MYO15A: variants seen among roughly 807,000 people sequenced by gnomAD.
MYO15A encodes myosin XVA.
In MYO15A, 308 loss-of-function variants were observed where a neutral mutation model predicts 394.6. That is an observed-to-expected ratio of 0.78 (90% CI 0.71 to 0.86). The LOEUF (loss-of-function observed/expected upper bound fraction) is 0.86, where lower values mean the gene tolerates loss of function less well. Ranked by LOEUF, MYO15A falls within the 40% of genes least tolerant of loss-of-function variation. MYO15A has a pLI of 0.00. For missense variants in MYO15A, 4,606 were observed against 4,799.1 expected (o/e 0.96, Z 1.19); for synonymous variants, 1,957 against 2,003.8 (o/e 0.98, Z 0.62).
At position 18,132,670 on chromosome 17, in the gene MYO15A, T is replaced by C. The variant is rs2046189992; in HGVS notation, c.4320+104T>C. 2.2e-6 allele frequency: 2 copies of C among 918,460 alleles called. No homozygotes were observed. The highest frequency in any genetic ancestry group is 2.5e-5 in the East Asian group (1 of 39,840). The allele number at this position is 918,460 out of a possible 1,614,324, so 56.9% of individuals were successfully genotyped here. A position where few individuals can be genotyped will look rare whatever the true frequency, so the allele number is the denominator to read the frequency against. Reference sequence around the variant, plus strand: ...AGTTGTGAGTGATGGAGTGTGAAGGTGAAGGAGATTTGGGGAGGGTGAGTT... The same window carrying C: ...AGTTGTGAGTGATGGAGTGTGAAGGCGAAGGAGATTTGGGGAGGGTGAGTT... On this transcript the variant is annotated intron_variant, in intron 11 of 65. Coordinates refer to ENST00000647165, the MANE Select transcript of MYO15A (RefSeq NM_016239.4). The surrounding 1 kb of genome is among the most constrained non-coding windows in gnomAD (Gnocchi z 4.6).
intron 3 of MYO15A, chr17:18,124,889 C>T (rs1281750742): frequency 1.7e-6 from 1 of 587,814 alleles, no homozygotes; most frequent in Non-Finnish European, 3.0e-6. Context: ...ACATGAGGGC[C>T]GTGTTGGTCA....
rs764696831 is a variant in MYO15A, at chr17:18,179,231, G to A, written c.*361G>A. On this transcript the variant is annotated 3_prime_UTR_variant, in exon 66 of 66. Coordinates refer to ENST00000647165, the MANE Select transcript of MYO15A (RefSeq NM_016239.4). Reference sequence around the variant, plus strand: ...CCCACACCAGTTGCCCAGATGAACTGGCCTCTGCCTTTGGTTTACTCAGGG... The same window carrying A: ...CCCACACCAGTTGCCCAGATGAACTAGCCTCTGCCTTTGGTTTACTCAGGG... 1.5e-5 allele frequency: 6 copies of A among 389,324 alleles called. No individual in the cohort carries two copies. Among genetic ancestry groups the A allele is most frequent in the Non-Finnish European group, 2.9e-5 (6 of 204,710 alleles). The allele number at this position is 389,324 out of a possible 1,614,324, so 24.1% of individuals were successfully genotyped here.
rs2046368908 is a variant in MYO15A at position 18,141,013 on chromosome 17, C to G, written c.5407-6C>G. On this transcript the variant is annotated splice_region_variant and splice_polypyrimidine_tract_variant and intron_variant, in intron 21 of 65. Transcript: ENST00000647165. Reference sequence around the variant, plus strand: ...GTGCAGACTCCCTCTCTGGGCATCCCTACAGGAGCCAGGTCTCTTTGAGCC... The same window carrying G: ...GTGCAGACTCCCTCTCTGGGCATCCGTACAGGAGCCAGGTCTCTTTGAGCC... The G allele has an allele frequency of 6.2e-7, 1 of 1,613,708 alleles. No homozygotes were observed. Among genetic ancestry groups the G allele is most frequent in the African/African-American group, 1.3e-5 (1 of 74,940 alleles).
Position 18,163,970 on chromosome 17 carries a change from G to A in MYO15A, c.9787+132G>A, listed in dbSNP as rs2046812848. On this transcript the variant is annotated intron_variant, in intron 60 of 65. Transcript: ENST00000647165. ...CTCCAGGAAGCCCCTTGACCCCCAT[G>A]TGGAAGGATCTCTGTGTGTACCAAG... The A allele has an allele frequency of 3.5e-6, 3 of 865,170 alleles. No homozygotes were observed. In the Admixed American group the frequency reaches 6.0e-5, roughly 17 times the overall value. 53.6% of individuals were successfully genotyped at this position (865,170 alleles called of 1,614,324 possible).
chr17:18,151,358 G>A (rs1455584437), intron 39 of MYO15A, 37 bp from the exon 40 acceptor site: 1 of 1,614,166 alleles, frequency 6.2e-7, no homozygotes, highest in Admixed American at 1.7e-5. Context: ...TGCCCCTTGT[G>A]GCCTCACCCT....
Position 18,126,790 on chromosome 17 carries a change from G to A in MYO15A, c.3867-1G>A, listed in dbSNP as rs993809972. The stretch of plus-strand genomic sequence containing the variant: ...CCAGCTCTAATGACCTGTCTCCCCA[G>A]GCACCTCTTTGCTGTTGCAAATCTC... On this transcript the variant is annotated splice_acceptor_variant, in intron 5 of 65. Transcript: ENST00000647165. LOFTEE classifies it high-confidence loss of function. The A allele has an allele frequency of 1.2e-6, 2 of 1,614,132 alleles. No individual in the cohort carries two copies. The highest frequency in any genetic ancestry group is 1.7e-6 in the Non-Finnish European group (2 of 1,180,024).
chr17:18,178,602 C>T (rs2047047829), intron 65 of MYO15A, 167 bp from the exon 66 acceptor site: 1 of 732,018 alleles, frequency 1.4e-6, no homozygotes, highest in South Asian at 1.5e-5. Context: ...TTCGGCCTTC[C>T]AGCTCTTCAT....
chr17:18,121,638 T>C lies in MYO15A; in HGVS notation c.2838T>C (p.Gly946=). The change falls in exon 2 of 66, where the codon GGT becomes GGC. Residue 946 remains glycine, a synonymous_variant. Transcript: ENST00000647165. This position sits in a 1 kb window ranked among gnomAD's most constrained non-coding sequence, Gnocchi z 5.3. ...TQRPPSPWPG[G]AGSRRGFSRP... is the part of the protein sequence containing the mutation. ...GCCCACCCTCCCCCTGGCCAGGAGG[T>C]GCAGGCAGCCGCCGAGGCTTTTCCA... 4 of 1,253,830 alleles carry C rather than the reference T, an allele frequency of 3.2e-6. No homozygotes were observed. The highest frequency in any genetic ancestry group is 4.2e-6 in the Non-Finnish European group (4 of 962,550). 77.7% of individuals were successfully genotyped at this position (1,253,830 alleles called of 1,614,324 possible).
intron 4 of MYO15A, 28 bp from the exon 5 acceptor site, chr17:18,126,319 G>A (rs751853637): frequency 1.4e-5 from 22 of 1,599,488 alleles, no homozygotes; most frequent in Admixed American, 3.3e-5. Flanking sequence ...AAGGAGCCAC[G>A]ACGCTGAGGC....
chr17:18,156,607 G>A (rs933751683), intron 48 of MYO15A, among the ~76,000 whole-genome samples: 5 of 152,138 alleles, frequency 3.3e-5, no homozygotes, highest in Admixed American at 1.3e-4. Context: ...TGCATGGCCC[G>A]CCCACTGCAT....
At position 18,178,999 on chromosome 17, in the gene MYO15A, A is replaced by C. The variant is rs989948880; in HGVS notation, c.*129A>C. The C allele has an allele frequency of 2.0e-5, 18 of 908,414 alleles. No individual in the cohort carries two copies. In the African/African-American group the frequency reaches 2.6e-4, roughly 13 times the overall value. 56.3% of individuals were successfully genotyped at this position (908,414 alleles called of 1,614,324 possible). A position where few individuals can be genotyped will look rare whatever the true frequency, so the allele number is the denominator to read the frequency against. On this transcript the variant is annotated 3_prime_UTR_variant, in exon 66 of 66. Transcript: ENST00000647165. Reference sequence around the variant, plus strand: ...GCCTTGGAGGACACTAAGAGGAGGCAGGAGGAGCAACTCAAATCCCCAAGA... The same window carrying C: ...GCCTTGGAGGACACTAAGAGGAGGCCGGAGGAGCAACTCAAATCCCCAAGA...
chr17:18,144,725 C>T (rs2046445894), intron 29 of MYO15A, 133 bp downstream of exon 29: 3 of 770,396 alleles, frequency 3.9e-6, no homozygotes, highest in African/African-American at 3.6e-5. Context: ...AAAGGACAGA[C>T]TTTTATGTCA....
At chr17:18,175,646 CCTGT>C (rs748008727) in intron 65 of MYO15A, among the ~76,000 whole-genome samples, 1 of 152,088 alleles carries the variant, frequency 6.6e-6, no homozygotes, top group Non-Finnish European at 1.5e-5. Context: ...CCCAGGGCAC[CCTGT>C]CTGATACTGA....
intron 22 of MYO15A, 44 bp from the exon 23 acceptor site, chr17:18,141,609 G>C: frequency 1.3e-6 from 2 of 1,572,742 alleles, no homozygotes; most frequent in Non-Finnish European, 8.7e-7. Context: ...CAGACACCTC[G>C]GGTAGGTCTC....
chr17:18,130,412 T>G (rs2046133329), intron 7 of MYO15A, among the ~76,000 whole-genome samples: 3 of 147,312 alleles, frequency 2.0e-5, no homozygotes, highest in South Asian at 2.2e-4. Flanking sequence ...AGGTAAGGGG[T>G]TGGGGGGTGG....
At chr17:18,141,964 C>A in intron 23 of MYO15A, 115 bp from the exon 24 acceptor site, 1 of 1,383,402 alleles carries the variant, frequency 7.2e-7, no homozygotes, top group Non-Finnish European at 1.0e-6. Flanking sequence ...TCCCTCCAGC[C>A]CCGCTCCAGG....
At chr17:18,167,424 A>C (rs961922697) in intron 61 of MYO15A, among the ~76,000 whole-genome samples, 166 bp from the exon 62 acceptor site, 3 of 152,238 alleles carry the variant, frequency 2.0e-5, no homozygotes, top group Non-Finnish European at 4.4e-5. Flanking sequence ...CGTCACCCTT[A>C]TGTGCTTCTG....
At chr17:18,122,614 C>A in intron 2 of MYO15A, 1 of 735,930 alleles carries the variant, frequency 1.4e-6, no homozygotes, top group Non-Finnish European at 2.1e-6. Flanking sequence ...CACAGGCAGG[C>A]CCAGGACAGA....
intron 46 of MYO15A, 39 bp downstream of exon 46, chr17:18,155,264 T>A (rs2046656876): frequency 6.2e-7 from 1 of 1,613,544 alleles, no homozygotes; most frequent in Admixed American, 1.7e-5. Context: ...GTCCAGAGGA[T>A]TCAGGGATGA....
Sources: allele counts gnomAD v4.1 joint callset (sites outside exome capture counted in the v4.1 genomes callset), GRCh38; gene constraint gnomAD v4.1.1; non-coding constraint Gnocchi (gnomAD v3.1); transcripts MANE v1.5; gene names NCBI Gene and HGNC (gene_info 2026-07-23, HGNC 2026-07-21).